The following MSR1 variants were observed in gnomAD, a reference collection of about 807,000 sequenced individuals.
The protein encoded by MSR1 is macrophage scavenger receptor 1, also known as macrophage scavenger receptor types I and II.
A neutral mutation model predicts 47.2 loss-of-function variants in MSR1; 53 were observed. The ratio of observed to expected loss-of-function variants is 1.12; its 90% CI spans 0.90 to 1.41. The LOEUF is 1.41. Among genes scored for constraint, MSR1 ranks in the 40% most tolerant of loss-of-function variants. The pLI is 0.00. For missense variants in MSR1, 786 were observed against 546.9 expected (o/e 1.44, Z -4.36); for synonymous variants, 239 against 185.6 (o/e 1.29, Z -2.34).
intron 5 of MSR1, 39 bp downstream of exon 5, chr8:16,164,026 A>C: frequency 6.8e-7 from 1 of 1,463,378 alleles, no homozygotes; most frequent in Non-Finnish European, 9.5e-7. Context: ...ATATTTTAAT[A>C]TATATATCAT....
At position 16,173,648 on chromosome 8, in the gene MSR1, G is replaced by A. The variant is rs367725987; in HGVS notation, c.217+1539C>T. On this transcript the variant is annotated intron_variant, in intron 3 of 9. Coordinates refer to ENST00000262101, the MANE Select transcript of MSR1 (RefSeq NM_138715.3). ...AATATTTTCCTGTGGTGACTTTTTTGTTTTTTCTTTTTTTTTTGAGACGGA... is the reference window on the plus strand; with the variant it reads ...AATATTTTCCTGTGGTGACTTTTTTATTTTTTCTTTTTTTTTTGAGACGGA... Among the ~76,000 whole-genome samples, 6 of 151,846 alleles carry A rather than the reference G, an allele frequency of 4.0e-5. No individual in the cohort carries two copies. In the East Asian group the frequency reaches 1.2e-3, roughly 30 times the overall value.
At chr8:16,188,644 A>C (rs914094638) in intron 1 of MSR1, among the ~76,000 whole-genome samples, 3 of 151,946 alleles carry the variant, frequency 2.0e-5, no homozygotes, top group Non-Finnish European at 4.4e-5. Context: ...AGTTTGTCCT[A>C]ATGCTATGCC....
chr8:16,191,754 C>G (rs1250939804), intron 1 of MSR1, among the ~76,000 whole-genome samples: 1 of 152,256 alleles, frequency 6.6e-6, no homozygotes, highest in South Asian at 2.1e-4. Context: ...TCTGTAATCT[C>G]AGTTCTATGG....
At chr8:16,191,867 C>T (rs187761014) in intron 1 of MSR1, among the ~76,000 whole-genome samples, 2 of 152,170 alleles carry the variant, frequency 1.3e-5, no homozygotes, top group Non-Finnish European at 2.9e-5. Flanking sequence ...TTTCTAGCAT[C>T]TCCATGAAGA....
At chr8:16,150,167 T>A (rs932378557) in intron 7 of MSR1, 64 bp downstream of exon 7, 2 of 281,488 alleles carry the variant, frequency 7.1e-6, no homozygotes, top group Non-Finnish European at 1.3e-5. Flanking sequence ...TATATATATA[T>A]ATATAAAATT....
At chr8:16,169,876 T>C (rs1407412021) in intron 3 of MSR1, among the ~76,000 whole-genome samples, 1 of 150,904 alleles carries the variant, frequency 6.6e-6, no homozygotes, top group Non-Finnish European at 1.5e-5. Flanking sequence ...TGTGATTAAT[T>C]ATTTCCCAAA....
intron 8 of MSR1, among the ~76,000 whole-genome samples, chr8:16,138,578 T>G (rs1800448670): frequency 6.6e-6 from 1 of 152,146 alleles, no homozygotes; most frequent in Non-Finnish European, 1.5e-5. Context: ...GTCAGATGAC[T>G]TTTTAACTGA....
intron 2 of MSR1, among the ~76,000 whole-genome samples, chr8:16,176,798 C>T (rs972076967): frequency 1.3e-5 from 2 of 152,148 alleles, no homozygotes; most frequent in Non-Finnish European, 2.9e-5. Flanking sequence ...TCACTGTTAT[C>T]TTTTCTTACA....
At chr8:16,133,682 G>T (rs1005484265) in intron 8 of MSR1, among the ~76,000 whole-genome samples, 1 of 152,024 alleles carries the variant, frequency 6.6e-6, no homozygotes, top group African/African-American at 2.4e-5. Flanking sequence ...TCTACCTCTT[G>T]GTAGCCATTG....
intron 1 of MSR1, among the ~76,000 whole-genome samples, chr8:16,188,458 TCA>T (rs1217148185): frequency 6.6e-6 from 1 of 152,102 alleles, no homozygotes; most frequent in Non-Finnish European, 1.5e-5. Flanking sequence ...TAAAATCACC[TCA>T]TTATTTTAAT....
chr8:16,133,473 G>A (rs1213424912), intron 8 of MSR1, among the ~76,000 whole-genome samples: 3 of 152,084 alleles, frequency 2.0e-5, no homozygotes, highest in Non-Finnish European at 4.4e-5. Flanking sequence ...TGTCATGATG[G>A]AGACTCCCTG....
intron 1 of MSR1, chr8:16,186,161 T>A: frequency 1.3e-6 from 2 of 1,534,468 alleles, no homozygotes; most frequent in Non-Finnish European, 1.7e-6. Flanking sequence ...ATGCTCACGG[T>A]TTTTTGTTGA....
intron 4 of MSR1, among the ~76,000 whole-genome samples, chr8:16,164,841 G>T (rs550729399): frequency 6.6e-6 from 1 of 151,916 alleles, no homozygotes; most frequent in South Asian, 2.1e-4. Flanking sequence ...CGTATATTTT[G>T]TGTATATTTA....
chr8:16,141,182 G>A, intron 8 of MSR1: 1 of 916,890 alleles, frequency 1.1e-6, no homozygotes, highest in South Asian at 1.6e-5. Flanking sequence ...TGGGGAATCA[G>A]GCACTTTCAT....
intron 8 of MSR1, among the ~76,000 whole-genome samples, chr8:16,132,896 C>T (rs372740187): frequency 3.9e-5 from 6 of 152,056 alleles, no homozygotes; most frequent in African/African-American, 9.7e-5. Context: ...AATATGATGT[C>T]GCTGTGGGTT....
rs1283298760 is a variant in MSR1, at chr8:16,130,495, A to G, written c.1034-9889T>C. Among the ~76,000 whole-genome samples the G allele has an allele frequency of 2.0e-5, 3 of 152,130 alleles. 1 individual carries two copies. The highest frequency in any genetic ancestry group is 7.2e-5 in the African/African-American group (3 of 41,442). ...ATTTATTTCATTTTTTAAAACTTTT[A>G]TATTAGGTTCAGGCGTACCTGTGAA... On this transcript the variant is annotated intron_variant, in intron 8 of 9. Transcript: ENST00000262101.
intron 8 of MSR1, among the ~76,000 whole-genome samples, chr8:16,129,578 C>T (rs1162481295): frequency 6.6e-6 from 1 of 151,942 alleles, no homozygotes; most frequent in Non-Finnish European, 1.5e-5. Context: ...AAACCCCGTT[C>T]CCTACAAAAA....
At chr8:16,171,523 A>C (rs538662827) in intron 3 of MSR1, among the ~76,000 whole-genome samples, 21 of 152,252 alleles carry the variant, frequency 1.4e-4, no homozygotes, top group African/African-American at 5.1e-4. Flanking sequence ...CATCACATTT[A>C]TTAAATTCAT....
At chr8:16,182,428 T>G (rs945000787) in intron 1 of MSR1, among the ~76,000 whole-genome samples, 10 of 152,180 alleles carry the variant, frequency 6.6e-5, no homozygotes, top group Admixed American at 4.6e-4. Flanking sequence ...TTACAGTACC[T>G]TTAATACTTT....
Sources: allele counts gnomAD v4.1 joint callset (sites outside exome capture counted in the v4.1 genomes callset), GRCh38; gene constraint gnomAD v4.1.1; transcripts MANE v1.5; gene names NCBI Gene and HGNC (gene_info 2026-07-23, HGNC 2026-07-21).